Variants in SYNE1 observed in about 807,000 individuals in gnomAD.
SYNE1 encodes the protein nesprin-1.
A neutral mutation model predicts 1,111.0 loss-of-function variants in SYNE1; 616 were observed. The ratio of observed to expected loss-of-function variants is 0.55; its 90% CI spans 0.52 to 0.59. The LOEUF (loss-of-function observed/expected upper bound fraction) is 0.59, where lower values mean the gene tolerates loss of function less well. Ranked by LOEUF, SYNE1 falls within the 20% of genes least tolerant of loss-of-function variation. SYNE1 has a pLI of 0.00. For missense variants in SYNE1, 10,006 were observed against 10,417.0 expected (o/e 0.96, Z 1.72); for synonymous variants, 3,855 against 3,825.8 (o/e 1.01, Z -0.28).
chr6:152,460,834 A>G (rs922917606), intron 21 of SYNE1, among the ~76,000 whole-genome samples: 2 of 128,784 alleles, frequency 1.6e-5, no homozygotes, highest in African/African-American at 6.3e-5. Context: ...TTTTTGAGAC[A>G]AAGAGTCTCG....
intron 3 of SYNE1, among the ~76,000 whole-genome samples, chr6:152,570,505 G>A (rs541666628): frequency 3.8e-4 from 58 of 152,238 alleles, no homozygotes; most frequent in African/African-American, 1.3e-3. Flanking sequence ...AAAGGCCAAC[G>A]TGGTCAACTT....
At chr6:152,423,775 C>A (rs2098307649) in intron 39 of SYNE1, among the ~76,000 whole-genome samples, 1 of 152,222 alleles carries the variant, frequency 6.6e-6, no homozygotes, top group Admixed American at 6.5e-5. Context: ...CATATTCCCA[C>A]TGACTTCCTC....
chr6:152,392,245 TGTGCAGAGACTAA>T (rs1299193520), intron 51 of SYNE1, among the ~76,000 whole-genome samples: 1 of 152,070 alleles, frequency 6.6e-6, no homozygotes, highest in African/African-American at 2.4e-5. Flanking sequence ...AACACAATAT[TGTGCAGAGACTAA>T]GTGCAAAAAA....
chr6:152,326,686 A>C, intron 78 of SYNE1, 53 bp from the exon 79 acceptor site: 1 of 1,547,396 alleles, frequency 6.5e-7, no homozygotes, highest in East Asian at 2.3e-5. Context: ...ATGTGTTTGC[A>C]GGAAAGAGTT....
chr6:152,225,828 C>A lies in SYNE1; in HGVS notation c.21244G>T (p.Glu7082Ter). Residue 7082 changes from glutamate (E) to a stop codon, truncating the protein, a stop_gained, in exon 116 of 146, where the codon GAG becomes TAG. Transcript: ENST00000367255. LOFTEE classifies it high-confidence loss of function. Reference sequence around the variant, plus strand: ...TGAATCAAAGCAAGTCCATTCTGCTCAATTTTCTCTACTTCTTTTTCTTTT... The same window carrying A: ...TGAATCAAAGCAAGTCCATTCTGCTAAATTTTCTCTACTTCTTTTTCTTTT... ...KAKEKEVEKI[E>*]QNGLALIQNK... 6.2e-7 allele frequency: 1 copy of A among 1,613,976 alleles called. No homozygotes were observed. The highest frequency in any genetic ancestry group is 8.5e-7 in the Non-Finnish European group (1 of 1,179,962).
chr6:152,523,247 G>A (rs951828142), intron 5 of SYNE1, among the ~76,000 whole-genome samples: 2 of 151,736 alleles, frequency 1.3e-5, no homozygotes, highest in Non-Finnish European at 2.9e-5. Context: ...GAGGGATAGG[G>A]GTCCAGTTTC....
intron 14 of SYNE1, among the ~76,000 whole-genome samples, chr6:152,478,928 A>G (rs2098855798): frequency 6.6e-6 from 1 of 152,194 alleles, no homozygotes; most frequent in South Asian, 2.1e-4. Flanking sequence ...TGAAATACGG[A>G]CAAGGCAAGC....
intron 69 of SYNE1, among the ~76,000 whole-genome samples, chr6:152,352,807 A>T (rs7772001): frequency 0.57 from 87,354 of 152,066 alleles, 25,245 homozygotes; most frequent in East Asian, 0.62. Context: ...TTGACGTGCC[A>T]GGAATCAGGA....
chr6:152,492,751 G>A (rs1210586384), intron 11 of SYNE1, among the ~76,000 whole-genome samples: 1 of 152,176 alleles, frequency 6.6e-6, no homozygotes, highest in African/African-American at 2.4e-5. Flanking sequence ...AACTCTTAGA[G>A]TGGAGTGTAA....
chr6:152,237,306 CTTTTT>C (rs61142738), intron 108 of SYNE1, among the ~76,000 whole-genome samples: 19 of 119,622 alleles, frequency 1.6e-4, no homozygotes, highest in South Asian at 1.1e-3. Context: ...TGGGTATGCA[CTTTTT>C]TTTTTTTTTT....
In SYNE1 at chr6:152,461,738, A is replaced by G; in HGVS notation, c.2253T>C (p.Asp751=). 1.9e-6 allele frequency: 3 copies of G among 1,613,968 alleles called. No homozygotes were observed. The South Asian group carries it at 3.3e-5, about 18-fold the overall frequency. The change falls in exon 21 of 146, where the codon GAT becomes GAC. Residue 751 remains aspartate (D), a splice_region_variant and synonymous_variant. Coordinates refer to ENST00000367255, the MANE Select transcript of SYNE1 (RefSeq NM_182961.4). ...NVKLLIQDLE[D]IEQRVPVMDA... ...CCATCACAGGCACCCTCTGCTCAAT[A>G]TCCTGCATGAATCATTGAAACAGCC... is the stretch of plus-strand genomic sequence containing the variant.
intron 4 of SYNE1, among the ~76,000 whole-genome samples, chr6:152,538,968 G>T (rs1038010368): frequency 3.3e-5 from 5 of 152,142 alleles, no homozygotes; most frequent in Non-Finnish European, 2.9e-5. Flanking sequence ...CAGACACAAA[G>T]TAAGCAGTGA....
At position 152,121,805 on chromosome 6, in the gene SYNE1, T is replaced by G. The variant is rs2051446099; in HGVS notation, c.*631A>C. The G allele has an allele frequency of 6.5e-6, 1 of 152,908 alleles. No homozygotes were observed. Among genetic ancestry groups the G allele is most frequent in the African/African-American group, 2.4e-5 (1 of 41,420 alleles). The allele number at this position is 152,908 out of a possible 1,614,324, so 9.5% of individuals were successfully genotyped here. The stretch of plus-strand genomic sequence containing the variant: ...ACTATAACATTCAACTTTTTTCACA[T>G]AAAGCCTTCCATGATCTTATTTATT... On this transcript the variant is annotated 3_prime_UTR_variant, in exon 146 of 146. Transcript: ENST00000367255.
In SYNE1 at chr6:152,367,239, G is replaced by C. The variant is rs944081257; in HGVS notation, c.9951C>G (p.Asp3317Glu). The change falls in exon 62 of 146, where the codon GAC becomes GAG. Residue 3317 changes from aspartate to glutamate, a missense_variant. By Grantham distance (45) the Asp-to-Glu change is conservative. Transcript: ENST00000367255. ...CHPTSDKSVLDSRTLKLEALL... is the reference protein window; with the variant it reads ...CHPTSDKSVLESRTLKLEALL... ...ACACCTCGAGCTTGAGCGTCCTGCT[G>C]TCCAGCACACTTTTGTCGGATGTCG... The C allele has an allele frequency of 1.9e-6, 3 of 1,614,118 alleles. No homozygotes were observed. Among genetic ancestry groups the C allele is most frequent in the Non-Finnish European group, 1.7e-6 (2 of 1,180,054 alleles).
At chr6:152,322,033 C>A in intron 82 of SYNE1, 147 bp from the exon 83 acceptor site, 1 of 773,448 alleles carries the variant, frequency 1.3e-6, no homozygotes, top group Non-Finnish European at 2.1e-6. Flanking sequence ...TGTTAAATAA[C>A]ACTGCAGTTC....
rs199668467 is a variant in SYNE1, at chr6:152,364,887, T to C, written c.10105A>G (p.Met3369Val). The change falls in exon 63 of 146, where the codon ATG becomes GTG. Residue 3369 changes from methionine to valine, a missense_variant. Physicochemically the swap from Met to Val is conservative, Grantham distance 21. Around this residue, in one of 7 missense-constraint regions of SYNE1, gnomAD observed 4,955 missense variants for 5,017.2 expected, o/e 0.99. Coordinates refer to ENST00000367255, the MANE Select transcript of SYNE1 (RefSeq NM_182961.4). The part of the protein sequence containing the change: ...IQQQLQSVKD[M>V]WASLLSAGIR... ...CCTGCAGACAAAAGGGATGCCCACATATCCTTCACACTCTGCAGCTGCTGC... is the reference window on the plus strand; with the variant it reads ...CCTGCAGACAAAAGGGATGCCCACACATCCTTCACACTCTGCAGCTGCTGC... 1.8e-4 allele frequency: 289 copies of C among 1,614,184 alleles called. 1 individual carries two copies. The East Asian group carries it at 6.3e-3, about 35-fold the overall frequency.
At chr6:152,590,626 T>C (rs1016665670) in intron 3 of SYNE1, among the ~76,000 whole-genome samples, 1 of 152,188 alleles carries the variant, frequency 6.6e-6, no homozygotes, top group Non-Finnish European at 1.5e-5. Flanking sequence ...GTTCTGGCTT[T>C]CCTAACTTGT....
chr6:152,417,524 A>G (rs2098180552), intron 40 of SYNE1, among the ~76,000 whole-genome samples: 1 of 151,918 alleles, frequency 6.6e-6, no homozygotes, highest in African/African-American at 2.4e-5. Context: ...AAACAAACAA[A>G]CACAACTCTG....
At chr6:152,517,548 ATTGT>A (rs1402646668) in intron 6 of SYNE1, among the ~76,000 whole-genome samples, 3 of 152,228 alleles carry the variant, frequency 2.0e-5, no homozygotes, top group Non-Finnish European at 4.4e-5. Context: ...TAACTGCATC[ATTGT>A]TTGTGTTTTA....
Sources: gnomAD v4.1 joint callset for allele counts (sites outside exome capture counted in the v4.1 genomes callset) on GRCh38, gnomAD v4.1.1 for gene constraint, gnomAD v4.1.1 regional missense constraint, MANE v1.5 for transcripts, NCBI Gene and HGNC (gene_info 2026-07-23, HGNC 2026-07-21) for gene names.